SLCO1B1: variants seen among roughly 807,000 people sequenced by gnomAD.
SLCO1B1 encodes OATP-2.
SLCO1B1 carries 81 observed loss-of-function variants against 70.1 expected under a neutral mutation model. The observed-to-expected ratio is 1.16, with a 90% CI of 0.97 to 1.39. The LOEUF is 1.39. Ranked by LOEUF, SLCO1B1 falls within the 40% of genes most tolerant of loss-of-function variation. The probability of loss-of-function intolerance (pLI) is 0.00; values close to 1 mark genes in which losing one functional copy is unlikely to be tolerated. For synonymous variants in SLCO1B1, 283 were observed against 271.5 expected, an observed-to-expected ratio of 1.04 and a Z score of -0.42; for missense variants, 895 against 799.6, an observed-to-expected ratio of 1.12 and a Z score of -1.44.
chr12:21,136,370 G>A (rs1375446874), intron 1 of SLCO1B1, among the ~76,000 whole-genome samples: 6 of 152,072 alleles, frequency 3.9e-5, no homozygotes, highest in East Asian at 1.9e-4. Flanking sequence ...GAATCTGAAC[G>A]TTGGCCTGCC....
intron 2 of SLCO1B1, among the ~76,000 whole-genome samples, chr12:21,145,192 GA>G (rs776146309): frequency 1.5e-4 from 23 of 152,148 alleles, no homozygotes; most frequent in Non-Finnish European, 2.2e-4. Context: ...CCATAAGATA[GA>G]AAATGAATAA....
At chr12:21,164,436 T>C (rs900392743) in intron 2 of SLCO1B1, among the ~76,000 whole-genome samples, 1 of 152,152 alleles carries the variant, frequency 6.6e-6, no homozygotes, top group Non-Finnish European at 1.5e-5. Flanking sequence ...AAACTTCTCC[T>C]TGTGTGTCTG....
intron 4 of SLCO1B1, among the ~76,000 whole-genome samples, chr12:21,176,450 G>A (rs568859841): frequency 6.6e-6 from 1 of 152,126 alleles, no homozygotes; most frequent in Admixed American, 6.5e-5. Context: ...AGGATGAATG[G>A]TTACACACAA....
At chr12:21,210,625 C>A (rs1463754076) in intron 11 of SLCO1B1, among the ~76,000 whole-genome samples, 10 of 150,480 alleles carry the variant, frequency 6.6e-5, no homozygotes, top group African/African-American at 2.5e-4. Context: ...ATGGGGATGA[C>A]ATTGAATCTG....
chr12:21,195,875 A>G lies in SLCO1B1; in HGVS notation c.728-1071A>G, dbSNP rs76113654. ...ACAGTCGCAAGGGTAGTACCTGAAA[A>G]GTTACAGTTTTGGATGTGCAGTCTC... is the stretch of plus-strand genomic sequence containing the variant. On this transcript the variant is annotated intron_variant, in intron 7 of 14. Transcript: ENST00000256958. 5.4e-3 allele frequency among the ~76,000 whole-genome samples: 822 copies of G among 152,232 alleles called. 7 individuals carry two copies. The highest frequency in any genetic ancestry group is 0.018 in the African/African-American group (757 of 41,542).
chr12:21,237,132 T>A (rs1169853033), intron 14 of SLCO1B1, among the ~76,000 whole-genome samples: 1 of 152,176 alleles, frequency 6.6e-6, no homozygotes, highest in African/African-American at 2.4e-5. Context: ...TCTTCTGTTG[T>A]GTTCTTAACT....
Position 21,238,618 on chromosome 12 carries a change from A to C in SLCO1B1, c.1866-361A>C, listed in dbSNP as rs530206072. Among the ~76,000 whole-genome samples the C allele has an allele frequency of 2.0e-5, 3 of 152,208 alleles. No individual in the cohort carries two copies. In the South Asian group the frequency reaches 6.2e-4, roughly 32 times the overall value. On this transcript the variant is annotated intron_variant, in intron 14 of 14. Coordinates refer to ENST00000256958, the MANE Select transcript of SLCO1B1 (RefSeq NM_006446.5). ...GGTAGCATTCTACAGGCCTACATTT[A>C]GGTTTTATTATTTTAGTTATAATCC...
chr12:21,190,854 T>C (rs933110908), intron 7 of SLCO1B1, among the ~76,000 whole-genome samples: 8 of 152,074 alleles, frequency 5.3e-5, no homozygotes, highest in African/African-American at 1.9e-4. Context: ...TTCATCGTTA[T>C]TATTTTTTTG....
intron 3 of SLCO1B1, 55 bp downstream of exon 3, chr12:21,172,846 T>C: frequency 6.7e-7 from 1 of 1,485,370 alleles, no homozygotes; most frequent in Middle Eastern, 1.7e-4. Context: ...AAAATATATA[T>C]GCTTTACACC....
At chr12:21,168,594 G>C (rs1266681350) in intron 2 of SLCO1B1, among the ~76,000 whole-genome samples, 4 of 152,200 alleles carry the variant, frequency 2.6e-5, no homozygotes, top group East Asian at 3.9e-4. Flanking sequence ...TGGTTGTGGG[G>C]TGATATCTCA....
intron 7 of SLCO1B1, among the ~76,000 whole-genome samples, chr12:21,184,293 T>C (rs1184207071): frequency 6.6e-6 from 1 of 152,182 alleles, no homozygotes; most frequent in Non-Finnish European, 1.5e-5. Flanking sequence ...CCAAGGCATC[T>C]ACTCATTAGA....
chr12:21,209,864 G>A (rs940479207), intron 11 of SLCO1B1, among the ~76,000 whole-genome samples: 1 of 152,102 alleles, frequency 6.6e-6, no homozygotes, highest in Non-Finnish European at 1.5e-5. Flanking sequence ...CTTCTTTTGA[G>A]AAGTGTCTGT....
chr12:21,161,635 C>G (rs1447868839), intron 2 of SLCO1B1, among the ~76,000 whole-genome samples: 1 of 151,876 alleles, frequency 6.6e-6, no homozygotes, highest in African/African-American at 2.4e-5. Flanking sequence ...TTTACCTGTA[C>G]AATAAACCTT....
rs943401830 is a variant in SLCO1B1, at chr12:21,173,626, T to C, written c.226+835T>C. On this transcript the variant is annotated intron_variant, in intron 3 of 14. Coordinates refer to ENST00000256958, the MANE Select transcript of SLCO1B1 (RefSeq NM_006446.5). ...TAAAGGTACTAAATTTTTTATAAAG[T>C]AAAAAAAAAATTTACTCATTCATTT... is the stretch of plus-strand genomic sequence containing the variant. Among the ~76,000 whole-genome samples the C allele has an allele frequency of 1.0e-4, 15 of 150,722 alleles. No homozygotes were observed. The South Asian group carries it at 3.1e-3, about 32-fold the overall frequency.
In SLCO1B1 at chr12:21,176,826, C is replaced by G. The variant is rs151204465; in HGVS notation, c.410C>G (p.Ser137Trp). The change falls in exon 5 of 15, where the codon TCG becomes TGG. Residue 137 changes from serine (S) to tryptophan (W), a missense_variant. Coordinates refer to ENST00000256958, the MANE Select transcript of SLCO1B1 (RefSeq NM_006446.5). ...TNINSSENST[S>W]TLSTCLINQI... ...ATCAATTCATCAGAAAATTCAACAT[C>G]GACCTTATCCACTTGTTTAATTAAT... 1 of 1,540,682 alleles carries G rather than the reference C, an allele frequency of 6.5e-7. No individual in the cohort carries two copies. The highest frequency in any genetic ancestry group is 2.3e-5 in the East Asian group (1 of 44,444).
At chr12:21,217,737 C>G (rs544920972) in intron 12 of SLCO1B1, among the ~76,000 whole-genome samples, 7 of 152,142 alleles carry the variant, frequency 4.6e-5, no homozygotes, top group Admixed American at 2.6e-4. Context: ...CATTCCAAAA[C>G]TTTTAATCGA....
intron 11 of SLCO1B1, among the ~76,000 whole-genome samples, chr12:21,212,994 C>T (rs1196121709): frequency 6.6e-6 from 1 of 151,874 alleles, no homozygotes; most frequent in East Asian, 1.9e-4. Context: ...ATACAGCACA[C>T]TGATGGGTCT....
At chr12:21,220,679 A>C (rs144475579) in intron 12 of SLCO1B1, among the ~76,000 whole-genome samples, 24 of 152,188 alleles carry the variant, frequency 1.6e-4, no homozygotes, top group African/African-American at 5.5e-4. Flanking sequence ...CTAATAAAGC[A>C]TATGTCAAAA....
At chr12:21,229,448 A>G (rs1489901361) in intron 14 of SLCO1B1, among the ~76,000 whole-genome samples, 1 of 152,142 alleles carries the variant, frequency 6.6e-6, no homozygotes, top group African/African-American at 2.4e-5. Flanking sequence ...CTGTTTTCAT[A>G]GTTTTGCGTT....
Sources: gnomAD v4.1 joint callset for allele counts (sites outside exome capture counted in the v4.1 genomes callset) on GRCh38, gnomAD v4.1.1 for gene constraint, MANE v1.5 for transcripts, NCBI Gene and HGNC (gene_info 2026-07-23, HGNC 2026-07-21) for gene names.